PUDP: variants seen among roughly 807,000 people sequenced by gnomAD.
PUDP encodes pseudouridine-5'-phosphatase.
PUDP carries 8 observed loss-of-function variants against 9.4 expected under a neutral mutation model. That is an observed-to-expected ratio of 0.85 (90% CI 0.50 to 1.53). PUDP has a LOEUF of 1.53. PUDP is among the 40% of genes most tolerant of loss of function. PUDP has a pLI of 0.00. For synonymous variants in PUDP, 99 were observed against 80.7 expected, an observed-to-expected ratio of 1.23 and a Z score of -1.22; for missense variants, 188 against 189.7, an observed-to-expected ratio of 0.99 and a Z score of 0.05.
At position 6,748,129 on chromosome X, in the gene PUDP, T is replaced by C. The variant is rs902765709; in HGVS notation, c.*248-41663A>G. On this transcript the variant is annotated intron_variant and NMD_transcript_variant, in intron 3 of 3. Coordinates refer to the PUDP transcript ENST00000655425. ...ACATACATAAACCCTGTCATCTTCA[T>C]TGCAGAATAAAGATGCCATTCATGG... is the stretch of plus-strand genomic sequence containing the variant. Among the ~76,000 whole-genome samples, 36 of 111,955 alleles carry C rather than the reference T, an allele frequency of 3.2e-4. 1 individual carries two copies. Among genetic ancestry groups the C allele is most frequent in the Non-Finnish European group, 1.5e-4 (8 of 53,215 alleles).
rs113919831 is a variant in PUDP, at chrX:6,978,552, G to C, written c.205-209C>G. On this transcript the variant is annotated intron_variant and NMD_transcript_variant, in intron 1 of 3. Coordinates refer to the PUDP transcript ENST00000655425. ...AAAAGAGCAATAGTTGACTCTATTA[G>C]GTCAAAGGTTGTTAAAAATGTTTAT... 4.1e-3 allele frequency among the ~76,000 whole-genome samples: 458 copies of C among 111,879 alleles called. 3 individuals are homozygous for C. The highest frequency in any genetic ancestry group is 0.014 in the African/African-American group (442 of 30,781).
chrX:7,114,238 C>T (rs1382659281), intron 1 of PUDP, among the ~76,000 whole-genome samples: 2 of 110,864 alleles, frequency 1.8e-5, no homozygotes, highest in Non-Finnish European at 3.8e-5. Context: ...CCATGCCTGG[C>T]TAATTTTTTG....
chrX:6,782,002 G>A (rs866341410), intron 3 of PUDP, among the ~76,000 whole-genome samples: 14 of 111,665 alleles, frequency 1.3e-4, no homozygotes, highest in Middle Eastern at 9.2e-3. Flanking sequence ...TTCTCAAGAG[G>A]ATTTTTTTTT....
chrX:7,026,093 G>T (rs1929705402), intron 1 of PUDP, among the ~76,000 whole-genome samples: 1 of 112,075 alleles, frequency 8.9e-6, no homozygotes, highest in Non-Finnish European at 1.9e-5. Context: ...ACTGGAGAAG[G>T]TGTTCTATAA....
chrX:6,833,250 AGATG>A (rs202217036), intron 3 of PUDP, among the ~76,000 whole-genome samples: 2,216 of 112,253 alleles, frequency 0.02, 56 homozygotes, highest in African/African-American at 0.069. Context: ...GTAGGTAGGT[AGATG>A]GATGGATGAA....
At chrX:6,879,883 A>G (rs1345016040) in intron 3 of PUDP, among the ~76,000 whole-genome samples, 1 of 110,904 alleles carries the variant, frequency 9.0e-6, no homozygotes, top group African/African-American at 3.3e-5. Flanking sequence ...TAAAGCATTG[A>G]AGGACATCCT....
intron 3 of PUDP, among the ~76,000 whole-genome samples, chrX:6,862,427 T>C (rs1181799225): frequency 1.8e-5 from 2 of 112,808 alleles, no homozygotes; most frequent in African/African-American, 6.4e-5. Context: ...TTCCTAAAGA[T>C]GTTCATTTTA....
intron 3 of PUDP, among the ~76,000 whole-genome samples, chrX:6,959,163 G>A (rs2146786973): frequency 8.9e-6 from 1 of 112,122 alleles, no homozygotes; most frequent in South Asian, 3.7e-4. Context: ...CAAGCCAGAG[G>A]CCATTCAGCA....
At chrX:7,063,085 G>A (rs1930453755) in intron 3 of PUDP, among the ~76,000 whole-genome samples, 1 of 110,559 alleles carries the variant, frequency 9.0e-6, no homozygotes. Context: ...ACAACTTCAT[G>A]TACAAATGCA....
chrX:6,891,439 T>C (rs1372299874), intron 3 of PUDP, among the ~76,000 whole-genome samples: 2 of 112,179 alleles, frequency 1.8e-5, no homozygotes, highest in African/African-American at 3.2e-5. Flanking sequence ...ACAGGCTCTC[T>C]GCCTTCCCCT....
intron 1 of PUDP, among the ~76,000 whole-genome samples, chrX:7,146,075 G>C (rs1462124793): frequency 9.0e-6 from 1 of 111,149 alleles, no homozygotes; most frequent in Non-Finnish European, 1.9e-5. Flanking sequence ...AGTTTTGCAA[G>C]GCCTTACCAC....
chrX:6,922,152 C>T (rs35889732), intron 3 of PUDP, among the ~76,000 whole-genome samples: 39,154 of 109,087 alleles, frequency 0.36, 5,254 homozygotes, highest in Middle Eastern at 0.5. Context: ...TTAATAGCTA[C>T]AAAAAAATAG....
At chrX:7,050,528 G>GA in intron 3 of PUDP, 56 bp from the exon 4 acceptor site, 3 of 1,065,356 alleles carry the variant, frequency 2.8e-6, no homozygotes, top group Non-Finnish European at 1.3e-6. Flanking sequence ...ACATGTGGAT[G>GA]AAGTGTTTAT....
chrX:6,868,883 T>C (rs7474187), intron 3 of PUDP, among the ~76,000 whole-genome samples: 10,387 of 111,910 alleles, frequency 0.093, 609 homozygotes, highest in East Asian at 0.47. Context: ...TCCCTGTCAG[T>C]CTTTGTCTTA....
chrX:6,797,455 G>A (rs1477592872), intron 3 of PUDP, among the ~76,000 whole-genome samples: 2 of 111,486 alleles, frequency 1.8e-5, no homozygotes, highest in Non-Finnish European at 3.8e-5. Context: ...AGAGATTATG[G>A]TTTCTGTCTT....
intron 1 of PUDP, among the ~76,000 whole-genome samples, chrX:7,020,965 C>G (rs936281518): frequency 8.0e-5 from 9 of 112,671 alleles, no homozygotes; most frequent in African/African-American, 2.6e-4. Flanking sequence ...TTGTGAGAGG[C>G]AGCCTGTTGG....
At position 7,050,226 on chromosome X, in the gene PUDP, T is replaced by C; in HGVS notation, c.*70A>G. On this transcript the variant is annotated 3_prime_UTR_variant, in exon 4 of 4. Transcript: ENST00000381077. Reference sequence around the variant, plus strand: ...GGTTGGGATTGAAGAGTTGCTGATTTCCTTTCCCTTTCCCCCAGCAGTGTG... The same window carrying C: ...GGTTGGGATTGAAGAGTTGCTGATTCCCTTTCCCTTTCCCCCAGCAGTGTG... 1.9e-6 allele frequency: 2 copies of C among 1,050,263 alleles called. No homozygotes were observed. Among genetic ancestry groups the C allele is most frequent in the Non-Finnish European group, 1.3e-6 (1 of 775,936 alleles). The allele number at this position is 1,050,263 out of a possible 1,213,427, so 86.6% of individuals were successfully genotyped here. A position where few individuals can be genotyped will look rare whatever the true frequency, so the allele number is the denominator to read the frequency against.
chrX:6,885,920 G>C (rs935932111), intron 3 of PUDP, among the ~76,000 whole-genome samples: 5 of 112,565 alleles, frequency 4.4e-5, no homozygotes, highest in African/African-American at 1.6e-4. Flanking sequence ...TGCTTTCTAA[G>C]AATGTATGGA....
At chrX:6,750,281 T>G (rs1925051965) in intron 3 of PUDP, among the ~76,000 whole-genome samples, 1 of 112,025 alleles carries the variant, frequency 8.9e-6, no homozygotes, top group African/African-American at 3.2e-5. Context: ...ACTGGAGTCT[T>G]GGGTCACCCC....
Sources: gnomAD v4.1 joint callset for allele counts (sites outside exome capture counted in the v4.1 genomes callset) on GRCh38, gnomAD v4.1.1 for gene constraint, MANE v1.5 for transcripts, NCBI Gene and HGNC (gene_info 2026-07-23, HGNC 2026-07-21) for gene names.